The following DMC1 variants were observed in gnomAD, a reference collection of about 807,000 sequenced individuals.
The protein encoded by DMC1 is meiotic recombination protein DMC1 homolog.
In DMC1, 27 loss-of-function variants were observed where a neutral mutation model predicts 50.1. The observed-to-expected ratio is 0.54, with a 90% CI of 0.40 to 0.74. DMC1 has a LOEUF of 0.74. DMC1 is among the 30% of genes least tolerant of loss of function. The pLI is 0.00. For synonymous variants in DMC1, 148 were observed against 136.1 expected, an observed-to-expected ratio of 1.09 and a Z score of -0.61; for missense variants, 295 against 420.2, an observed-to-expected ratio of 0.70 and a Z score of 2.60.
chr22:38,567,696 G>C, intron 2 of DMC1, 69 bp from the exon 3 acceptor site: 1 of 1,217,134 alleles, frequency 8.2e-7, no homozygotes, highest in Non-Finnish European at 1.2e-6. Flanking sequence ...ATCTTTTAAA[G>C]AGGTAATTCA....
In DMC1 at chr22:38,568,098, ATG is replaced by A. The variant is rs2090599164; in HGVS notation, c.51+106_51+107del. 6 of 971,630 alleles carry A rather than the reference ATG, an allele frequency of 6.2e-6. No homozygotes were observed. In the Admixed American group the frequency reaches 1.1e-4, roughly 19 times the overall value. The allele number at this position is 971,630 out of a possible 1,614,324, so 60.2% of individuals were successfully genotyped here. A position where few individuals can be genotyped will look rare whatever the true frequency, so the allele number is the denominator to read the frequency against. On this transcript the variant is annotated intron_variant, in intron 2 of 13. Transcript: ENST00000216024. ...TGTTACATATTTGCAATATATAACT[ATG>A]TGTTATTTCTACTTTCAGCTTCTAA...
chr22:38,568,958 C>T (rs1355387414), intron 1 of DMC1, among the ~76,000 whole-genome samples: 13 of 151,860 alleles, frequency 8.6e-5, no homozygotes, highest in Admixed American at 5.9e-4. Flanking sequence ...TTTGGGAGGC[C>T]GAGACAGGCA....
intron 5 of DMC1, among the ~76,000 whole-genome samples, chr22:38,556,140 T>C (rs2090467179): frequency 1.3e-5 from 2 of 152,214 alleles, no homozygotes. Flanking sequence ...CCCATCTTAG[T>C]TATTAATTGG....
chr22:38,518,720 C>T (rs926533390), downstream of DMC1, among the ~76,000 whole-genome samples: 7 of 151,904 alleles, frequency 4.6e-5, no homozygotes, highest in East Asian at 9.7e-4. Flanking sequence ...TTTGTAGAGA[C>T]GGGGTTTTGC....
At chr22:38,552,842 C>G in intron 6 of DMC1, 135 bp from the exon 7 acceptor site, 1 of 667,388 alleles carries the variant, frequency 1.5e-6, no homozygotes, top group Non-Finnish European at 2.6e-6. Flanking sequence ...TAAAGTATCT[C>G]GGATGTTATT....
chr22:38,552,727 A>T lies in DMC1; in HGVS notation c.380-20T>A. On this transcript the variant is annotated intron_variant, in intron 6 of 13. Transcript: ENST00000216024. Reference sequence around the variant, plus strand: ...GAAATTCTGTGAAATACAGAAAAAAATGATTTTAAAAATGCATAATTTCCA... The same window carrying T: ...GAAATTCTGTGAAATACAGAAAAAATTGATTTTAAAAATGCATAATTTCCA... 6.5e-7 allele frequency: 1 copy of T among 1,530,500 alleles called. No individual in the cohort carries two copies. Among genetic ancestry groups the T allele is most frequent in the Non-Finnish European group, 9.1e-7 (1 of 1,104,616 alleles). 94.8% of individuals were successfully genotyped at this position (1,530,500 alleles called of 1,614,324 possible).
chr22:38,553,444 G>A (rs1442831717), intron 6 of DMC1, among the ~76,000 whole-genome samples: 2 of 147,302 alleles, frequency 1.4e-5, no homozygotes, highest in African/African-American at 2.5e-5. Flanking sequence ...CTTGCAGTGA[G>A]CCGAGATCGC....
At chr22:38,541,566 C>T (rs991466587) in intron 8 of DMC1, among the ~76,000 whole-genome samples, 2 of 152,126 alleles carry the variant, frequency 1.3e-5, no homozygotes, top group Non-Finnish European at 2.9e-5. Flanking sequence ...TGACTTATGT[C>T]GTTAGATGAA....
chr22:38,514,818 C>T (rs2089965114), downstream of DMC1, among the ~76,000 whole-genome samples: 1 of 152,162 alleles, frequency 6.6e-6, no homozygotes, highest in African/African-American at 2.4e-5. Context: ...GAATTGCCCA[C>T]TCCTTTCCTG....
intron 12 of DMC1, among the ~76,000 whole-genome samples, chr22:38,527,027 G>A (rs547688326): frequency 6.6e-6 from 1 of 152,078 alleles, no homozygotes; most frequent in Non-Finnish European, 1.5e-5. Context: ...CTGGAGAAAT[G>A]GATACATCCC....
chr22:38,559,483 G>T (rs2090503297), intron 5 of DMC1, among the ~76,000 whole-genome samples: 1 of 152,054 alleles, frequency 6.6e-6, no homozygotes, highest in Non-Finnish European at 1.5e-5. Flanking sequence ...CAGGTGTTTT[G>T]TGTCACTGCA....
intron 11 of DMC1, 114 bp downstream of exon 11, chr22:38,538,181 A>G: frequency 1.2e-6 from 1 of 816,580 alleles, no homozygotes. Flanking sequence ...TATTCTCATA[A>G]AGGTAATTTT....
chr22:38,553,599 G>A lies in DMC1; in HGVS notation c.380-892C>T, dbSNP rs1020139930. ...AGCACTTTGGGAGGATGAGATGAAT[G>A]GATCACTTGAGGTCAGGAGTTCGAG... On this transcript the variant is annotated intron_variant, in intron 6 of 13. Transcript: ENST00000216024. 3.3e-5 allele frequency among the ~76,000 whole-genome samples: 5 copies of A among 151,688 alleles called. No individual in the cohort carries two copies. In the East Asian group the frequency reaches 9.7e-4, roughly 29 times the overall value.
chr22:38,512,298 A>G, the DMC1 span, among the ~76,000 whole-genome samples: 1 of 151,974 alleles, frequency 6.6e-6, no homozygotes, highest in South Asian at 2.1e-4. Flanking sequence ...TCTTCTCTCA[A>G]CTTGGTTTCT....
intron 12 of DMC1, among the ~76,000 whole-genome samples, chr22:38,527,053 G>T (rs968712064): frequency 2.0e-5 from 3 of 152,098 alleles, no homozygotes; most frequent in African/African-American, 7.2e-5. Flanking sequence ...AACCTCTCAG[G>T]TGACAGCATA....
chr22:38,556,456 A>G (rs1236332000), intron 5 of DMC1, among the ~76,000 whole-genome samples: 1 of 152,248 alleles, frequency 6.6e-6, no homozygotes, highest in Non-Finnish European at 1.5e-5. Flanking sequence ...AGTGATTGTC[A>G]TTATGGTCAG....
intron 5 of DMC1, among the ~76,000 whole-genome samples, chr22:38,559,476 G>T (rs2090503182): frequency 6.6e-6 from 1 of 152,114 alleles, no homozygotes; most frequent in South Asian, 2.1e-4. Flanking sequence ...GCCAAAACAG[G>T]TGTTTTGTGT....
intron 1 of DMC1, 87 bp from the exon 2 acceptor site, chr22:38,568,376 A>G (rs2090602985): frequency 1.1e-6 from 1 of 947,076 alleles, no homozygotes; most frequent in African/African-American, 1.6e-5. Context: ...GACTAGAAGG[A>G]CAGTAAGAGA....
In DMC1 at chr22:38,568,823, C is replaced by CAT. The variant is rs2090608153; in HGVS notation, c.-33-535_-33-534insAT. ...TATGAATGGGTACTCCTGTAACATC[C>CAT]ACCTTTTTGTTTCATAGAACATTAG... On this transcript the variant is annotated intron_variant, in intron 1 of 13. Transcript: ENST00000216024. Among the ~76,000 whole-genome samples, 6 of 152,230 alleles carry CAT rather than the reference C, an allele frequency of 3.9e-5. No homozygotes were observed. The South Asian group carries it at 1.2e-3, about 32-fold the overall frequency.
Sources: allele counts gnomAD v4.1 joint callset (sites outside exome capture counted in the v4.1 genomes callset), GRCh38; gene constraint gnomAD v4.1.1; transcripts MANE v1.5; gene names NCBI Gene and HGNC (gene_info 2026-07-23, HGNC 2026-07-21).